Variants in CLVS1 observed in about 807,000 individuals in gnomAD.
CLVS1 encodes clavesin 1, also known as clavesin-1.
In CLVS1, 10 loss-of-function variants were observed where a neutral mutation model predicts 33.1. That is an observed-to-expected ratio of 0.30 (90% CI 0.19 to 0.51). CLVS1 has a LOEUF of 0.51. CLVS1 is among the 20% of genes least tolerant of loss of function. The pLI, the probability that CLVS1 is intolerant of heterozygous loss-of-function variation, is 0.97. For synonymous variants in CLVS1, 163 were observed against 166.1 expected (o/e 0.98, Z 0.14); for missense variants, 343 against 433.4 (o/e 0.79, Z 1.85).
rs148691311 is a variant in CLVS1 at position 61,412,704 on chromosome 8, C to A, written c.630+35925C>A. On this transcript the variant is annotated intron_variant, in intron 3 of 5. Coordinates refer to ENST00000325897, the MANE Select transcript of CLVS1 (RefSeq NM_173519.3). ...AACAGTCCCAGCAGACACACGTGTT[C>A]CAGGAACAACAGGAGCCAGTTTAGC... Among the ~76,000 whole-genome samples the A allele has an allele frequency of 3.7e-3, 562 of 152,272 alleles. 3 individuals are homozygous for A. The highest frequency in any genetic ancestry group is 0.013 in the African/African-American group (538 of 41,534).
At chr8:61,256,405 T>C (rs986118789) in intron 2 of CLVS1, among the ~76,000 whole-genome samples, 4 of 151,994 alleles carry the variant, frequency 2.6e-5, no homozygotes, top group Non-Finnish European at 4.4e-5. Context: ...CCCAGCTACT[T>C]GAAAGGCTGA....
At chr8:60,975,260 T>C in the CLVS1 span, among the ~76,000 whole-genome samples, 25 of 152,186 alleles carry the variant, frequency 1.6e-4, no homozygotes, top group Non-Finnish European at 3.2e-4. Context: ...TTTCACTCTT[T>C]GTAAAAGAGC....
the CLVS1 span, among the ~76,000 whole-genome samples, chr8:61,048,804 C>A: frequency 1.3e-5 from 2 of 152,108 alleles, no homozygotes; most frequent in African/African-American, 4.8e-5. Flanking sequence ...CTGCTCTCTC[C>A]CCTCCCCTGC....
At chr8:61,015,915 T>G in the CLVS1 span, among the ~76,000 whole-genome samples, 8 of 152,146 alleles carry the variant, frequency 5.3e-5, no homozygotes, top group East Asian at 1.5e-3. Flanking sequence ...TGAGTATGAT[T>G]AGACCACCAG....
At chr8:61,348,453 A>G (rs1812317766) in intron 2 of CLVS1, among the ~76,000 whole-genome samples, 1 of 152,164 alleles carries the variant, frequency 6.6e-6, no homozygotes, top group East Asian at 1.9e-4. Context: ...CACGTTGTGC[A>G]CATGTACCCT....
chr8:61,279,588 C>T (rs1809629035), intron 2 of CLVS1, among the ~76,000 whole-genome samples: 1 of 151,448 alleles, frequency 6.6e-6, no homozygotes, highest in Admixed American at 6.6e-5. Flanking sequence ...ATTCATTTGC[C>T]AAACCATAAC....
chr8:61,073,595 TGCTA>T (rs1424256084), intron 1 of CLVS1, among the ~76,000 whole-genome samples: 1 of 152,114 alleles, frequency 6.6e-6, no homozygotes, highest in East Asian at 1.9e-4. Flanking sequence ...CCATTTGCTT[TGCTA>T]TAATAATAAT....
chr8:61,144,320 T>C (rs1222961814), intron 2 of CLVS1, among the ~76,000 whole-genome samples: 3 of 152,152 alleles, frequency 2.0e-5, no homozygotes, highest in East Asian at 1.9e-4. Flanking sequence ...TCTGTTCTTG[T>C]GTTAGTTTGC....
chr8:60,974,138 G>A, the CLVS1 span, among the ~76,000 whole-genome samples: 1 of 152,224 alleles, frequency 6.6e-6, no homozygotes, highest in South Asian at 2.1e-4. Context: ...ATTCAGCTGG[G>A]AGAAGTTGTT....
chr8:61,092,268 C>T (rs1448091913), intron 1 of CLVS1, among the ~76,000 whole-genome samples: 1 of 152,118 alleles, frequency 6.6e-6, no homozygotes, highest in Non-Finnish European at 1.5e-5. Context: ...AGTCAGGAAA[C>T]CAGGCATGTA....
At chr8:61,472,154 T>C (rs1406650478) in intron 5 of CLVS1, among the ~76,000 whole-genome samples, 1 of 152,258 alleles carries the variant, frequency 6.6e-6, no homozygotes, top group Non-Finnish European at 1.5e-5. Flanking sequence ...ATCACTGAAT[T>C]CTGTTTCTGT....
intron 2 of CLVS1, among the ~76,000 whole-genome samples, chr8:61,133,991 G>A (rs1189053776): frequency 6.6e-6 from 1 of 151,992 alleles, no homozygotes; most frequent in Admixed American, 6.6e-5. Context: ...AGGTTGGGAG[G>A]AAAAAGAAAG....
intron 1 of CLVS1, among the ~76,000 whole-genome samples, chr8:61,108,902 A>G (rs1452866090): frequency 6.6e-6 from 1 of 152,222 alleles, no homozygotes; most frequent in Non-Finnish European, 1.5e-5. Flanking sequence ...GTTCTAAGTC[A>G]CATTGCCTTA....
intron 1 of CLVS1, among the ~76,000 whole-genome samples, chr8:61,115,464 G>A (rs1173155516): frequency 6.6e-6 from 1 of 151,746 alleles, no homozygotes; most frequent in African/African-American, 2.4e-5. Flanking sequence ...CCATGCTGGT[G>A]CACTGCACCC....
intron 2 of CLVS1, among the ~76,000 whole-genome samples, chr8:61,256,260 A>G (rs920572773): frequency 2.0e-5 from 3 of 152,222 alleles, no homozygotes; most frequent in Non-Finnish European, 4.4e-5. Context: ...CACGCCTGTA[A>G]TCCCAGCACC....
At chr8:61,254,081 C>T (rs1026223922) in intron 2 of CLVS1, among the ~76,000 whole-genome samples, 4 of 152,250 alleles carry the variant, frequency 2.6e-5, no homozygotes, top group South Asian at 2.1e-4. Flanking sequence ...ATGATGGTGA[C>T]GTACAGATGG....
At chr8:61,139,195 G>A (rs1356946313) in intron 2 of CLVS1, among the ~76,000 whole-genome samples, 2 of 152,034 alleles carry the variant, frequency 1.3e-5, no homozygotes, top group African/African-American at 2.4e-5. Flanking sequence ...CGCCGGTGGC[G>A]CCGGCTGCCA....
intron 4 of CLVS1, among the ~76,000 whole-genome samples, chr8:61,456,235 G>A (rs1355672377): frequency 2.0e-5 from 3 of 152,150 alleles, no homozygotes; most frequent in South Asian, 2.1e-4. Flanking sequence ...ACCCCCAGAA[G>A]GGAAGGTCAC....
At chr8:61,452,832 T>A (rs942028116) in intron 3 of CLVS1, among the ~76,000 whole-genome samples, 2 of 152,164 alleles carry the variant, frequency 1.3e-5, no homozygotes, top group Non-Finnish European at 2.9e-5. Context: ...GAGGAAAAAA[T>A]TATTTTTAAA....
Sources: gnomAD v4.1 joint callset for allele counts (sites outside exome capture counted in the v4.1 genomes callset) on GRCh38, gnomAD v4.1.1 for gene constraint, MANE v1.5 for transcripts, NCBI Gene and HGNC (gene_info 2026-07-23, HGNC 2026-07-21) for gene names.